The following CACNA1E variants were observed in gnomAD, a reference collection of about 807,000 sequenced individuals.
The protein encoded by CACNA1E is voltage-dependent R-type calcium channel subunit alpha-1E.
CACNA1E carries 40 observed loss-of-function variants against 259.2 expected under a neutral mutation model. The observed-to-expected ratio is 0.15, with a 90% CI of 0.12 to 0.20. The LOEUF is 0.20. CACNA1E is among the 10% of genes least tolerant of loss of function. The pLI, the probability that CACNA1E is intolerant of heterozygous loss-of-function variation, is 1.00. For synonymous variants in CACNA1E, 1,104 were observed against 1,138.5 expected, an observed-to-expected ratio of 0.97 and a Z score of 0.61; for missense variants, 1,874 against 3,040.1, an observed-to-expected ratio of 0.62 and a Z score of 9.02.
intron 7 of CACNA1E, among the ~76,000 whole-genome samples, chr1:181,679,636 G>A (rs1229586403): frequency 1.3e-5 from 2 of 152,144 alleles, no homozygotes; most frequent in Non-Finnish European, 1.5e-5. Context: ...CACTCACAAG[G>A]CATATTACCC....
At chr1:181,660,116 C>T (rs1051206112) in intron 7 of CACNA1E, among the ~76,000 whole-genome samples, 2 of 152,230 alleles carry the variant, frequency 1.3e-5, no homozygotes, top group African/African-American at 4.8e-5. Context: ...TGTCAAGGTC[C>T]TGCTGCCCTA....
At chr1:181,630,868 C>G (rs1656666638) in intron 6 of CACNA1E, among the ~76,000 whole-genome samples, 1 of 152,036 alleles carries the variant, frequency 6.6e-6, no homozygotes, top group Admixed American at 6.6e-5. Context: ...TATTCTCAGC[C>G]AGAGGTCTCC....
At chr1:181,553,015 G>C (rs1648339253) in intron 3 of CACNA1E, among the ~76,000 whole-genome samples, 1 of 152,144 alleles carries the variant, frequency 6.6e-6, no homozygotes, top group Non-Finnish European at 1.5e-5. Flanking sequence ...ATTTAAAGTA[G>C]TTTTTTTCTA....
chr1:181,353,876 A>T (rs1571642255), intron 1 of CACNA1E, among the ~76,000 whole-genome samples: 1 of 152,226 alleles, frequency 6.6e-6, no homozygotes, highest in East Asian at 1.9e-4. Flanking sequence ...ATTCTTACTC[A>T]CAGGCAAGGA....
At chr1:181,402,116 A>T (rs1657145522) in intron 1 of CACNA1E, among the ~76,000 whole-genome samples, 1 of 152,250 alleles carries the variant, frequency 6.6e-6, no homozygotes, top group Non-Finnish European at 1.5e-5. Context: ...AACTAAAGGT[A>T]TACTAATTTT....
intron 2 of CACNA1E, among the ~76,000 whole-genome samples, chr1:181,431,597 T>C (rs1464165807): frequency 6.6e-6 from 1 of 152,184 alleles, no homozygotes; most frequent in Non-Finnish European, 1.5e-5. Context: ...ACAGGTATCA[T>C]TTCCACTTTT....
rs1658304049 is a variant in CACNA1E at position 181,758,641 on chromosome 1, C to G, written c.4495-117C>G. On this transcript the variant is annotated intron_variant, in intron 31 of 47. Transcript: ENST00000367573. The surrounding 1 kb of genome is among the most constrained non-coding windows in gnomAD (Gnocchi z 4.2). ...CTCGAAGTCCATCTCTCCTCCTGTA[C>G]CACACACCAGAGTGTCCCACAGGGC... The G allele has an allele frequency of 1.6e-6, 1 of 623,610 alleles. No individual in the cohort carries two copies. The highest frequency in any genetic ancestry group is 2.9e-6 in the Non-Finnish European group (1 of 348,100). 38.6% of individuals were successfully genotyped at this position (623,610 alleles called of 1,614,324 possible).
At chr1:181,480,791 A>C (rs1328110261), upstream of CACNA1E, among the ~76,000 whole-genome samples, 1 of 152,092 alleles carries the variant, frequency 6.6e-6, no homozygotes, top group East Asian at 1.9e-4. Context: ...AAGGTTATAC[A>C]ATCTAGTATA....
chr1:181,365,715 G>T (rs1356735388), intron 1 of CACNA1E, among the ~76,000 whole-genome samples: 1 of 152,210 alleles, frequency 6.6e-6, no homozygotes, highest in Admixed American at 6.5e-5. Flanking sequence ...AGCTGTATTT[G>T]CTTTGTTGGG....
intron 25 of CACNA1E, among the ~76,000 whole-genome samples, chr1:181,743,253 A>G (rs1476598921): frequency 6.6e-6 from 1 of 152,218 alleles, no homozygotes; most frequent in African/African-American, 2.4e-5. Context: ...AGGTCTCAAG[A>G]AAAGTCTGGT....
At chr1:181,566,996 A>G (rs900699366) in intron 3 of CACNA1E, among the ~76,000 whole-genome samples, 3 of 152,230 alleles carry the variant, frequency 2.0e-5, no homozygotes, top group African/African-American at 7.2e-5. Flanking sequence ...TACCATGCAT[A>G]AGGCAGCTCC....
chr1:181,596,581 TG>T, intron 6 of CACNA1E, among the ~76,000 whole-genome samples: 1 of 151,706 alleles, frequency 6.6e-6, no homozygotes, highest in Non-Finnish European at 1.5e-5. Flanking sequence ...TGTGTGTGTG[TG>T]TGTGTGTGTG....
At chr1:181,549,791 G>A (rs572903863) in intron 3 of CACNA1E, among the ~76,000 whole-genome samples, 6 of 152,330 alleles carry the variant, frequency 3.9e-5, no homozygotes, top group East Asian at 1.9e-4. Flanking sequence ...CACAGTGTCC[G>A]TGGAGAACGG....
intron 6 of CACNA1E, among the ~76,000 whole-genome samples, chr1:181,650,413 C>G (rs984525636): frequency 6.6e-6 from 1 of 151,848 alleles, no homozygotes; most frequent in Non-Finnish European, 1.5e-5. Context: ...GAGTGGGGGT[C>G]GAAGGGATTT....
intron 2 of CACNA1E, among the ~76,000 whole-genome samples, 176 bp from the exon 3 acceptor site, chr1:181,511,195 C>A (rs779767381): frequency 3.9e-5 from 6 of 152,166 alleles, no homozygotes; most frequent in Non-Finnish European, 8.8e-5. Context: ...GTCTCCCTTG[C>A]CCTGTGCACT....
At chr1:181,767,999 C>T (rs932992144) in intron 35 of CACNA1E, among the ~76,000 whole-genome samples, 1 of 152,128 alleles carries the variant, frequency 6.6e-6, no homozygotes, top group African/African-American at 2.4e-5. Context: ...TAATTTGATG[C>T]TCGTATACAA....
intron 6 of CACNA1E, among the ~76,000 whole-genome samples, chr1:181,611,672 G>A (rs1377670685): frequency 1.3e-5 from 2 of 152,126 alleles, no homozygotes; most frequent in Non-Finnish European, 2.9e-5. Flanking sequence ...GGGGAAGGGT[G>A]CTTCCTGACT....
chr1:181,667,598 TA>T (rs1350007202), intron 7 of CACNA1E, among the ~76,000 whole-genome samples: 2 of 152,082 alleles, frequency 1.3e-5, no homozygotes, highest in Non-Finnish European at 2.9e-5. Flanking sequence ...TACATAAGGT[TA>T]TCCATGGAGG....
intron 7 of CACNA1E, among the ~76,000 whole-genome samples, chr1:181,702,210 G>A (rs1021404319): frequency 2.6e-5 from 4 of 151,720 alleles, no homozygotes; most frequent in Non-Finnish European, 1.5e-5. Context: ...CATTCTTCTG[G>A]TTGCTGTAGC....
Sources: allele counts gnomAD v4.1 joint callset (sites outside exome capture counted in the v4.1 genomes callset), GRCh38; gene constraint gnomAD v4.1.1; non-coding constraint Gnocchi (gnomAD v3.1); transcripts MANE v1.5; gene names NCBI Gene and HGNC (gene_info 2026-07-23, HGNC 2026-07-21).